The following NOL4 variants were observed in gnomAD, a reference collection of about 807,000 sequenced individuals.
The protein encoded by NOL4 is cancer/testis antigen 125.
A neutral mutation model predicts 75.9 loss-of-function variants in NOL4; 17 were observed. The observed-to-expected ratio is 0.22, with a 90% confidence interval of 0.15 to 0.34. The LOEUF is 0.34. Ranked by LOEUF, NOL4 falls within the 10% of genes least tolerant of loss-of-function variation. NOL4 has a pLI of 1.00. For synonymous variants in NOL4, 292 were observed against 289.9 expected, an observed-to-expected ratio of 1.01 and a Z score of -0.07; for missense variants, 614 against 793.5, an observed-to-expected ratio of 0.77 and a Z score of 2.72.
intron 10 of NOL4, among the ~76,000 whole-genome samples, chr18:33,856,242 A>G (rs1023026639): frequency 6.6e-6 from 1 of 152,108 alleles, no homozygotes; most frequent in Admixed American, 6.6e-5. Flanking sequence ...GAAATAGGAA[A>G]TAAGTGATGT....
intron 9 of NOL4, among the ~76,000 whole-genome samples, chr18:33,891,318 A>G (rs2065081511): frequency 6.6e-6 from 1 of 152,112 alleles, no homozygotes; most frequent in African/African-American, 2.4e-5. Flanking sequence ...GCATATAAAT[A>G]TGCTTTCATG....
chr18:34,153,946 C>T (rs1356866403), intron 1 of NOL4, among the ~76,000 whole-genome samples: 1 of 151,960 alleles, frequency 6.6e-6, no homozygotes, highest in East Asian at 1.9e-4. Context: ...CTATGAATAA[C>T]TGGCCCAAAC....
intron 6 of NOL4, among the ~76,000 whole-genome samples, chr18:34,016,772 A>G (rs1185570264): frequency 6.6e-6 from 1 of 152,052 alleles, no homozygotes; most frequent in African/African-American, 2.4e-5. Flanking sequence ...TGTAACCACA[A>G]GTTTGTCCCC....
At chr18:34,167,909 A>G (rs977246643) in intron 1 of NOL4, among the ~76,000 whole-genome samples, 2 of 152,084 alleles carry the variant, frequency 1.3e-5, no homozygotes, top group African/African-American at 4.8e-5. Flanking sequence ...CATTTTCGAC[A>G]ATATCTTCAC....
chr18:34,123,365 A>G (rs2080234367), intron 2 of NOL4, among the ~76,000 whole-genome samples: 1 of 151,548 alleles, frequency 6.6e-6, no homozygotes, highest in Non-Finnish European at 1.5e-5. Context: ...AATCTGAATA[A>G]TATTCAGTAG....
chr18:34,032,795 G>C (rs1371343590), intron 5 of NOL4, among the ~76,000 whole-genome samples: 2 of 152,092 alleles, frequency 1.3e-5, no homozygotes, highest in African/African-American at 4.8e-5. Flanking sequence ...ACACCACTCT[G>C]GGACCCAAGG....
intron 8 of NOL4, among the ~76,000 whole-genome samples, chr18:33,952,426 G>C (rs1026511338): frequency 6.6e-6 from 1 of 152,068 alleles, no homozygotes; most frequent in African/African-American, 2.4e-5. Context: ...AATATAATTT[G>C]AACATACCAG....
chr18:34,089,042 C>T lies in NOL4; in HGVS notation c.772+4423G>A, dbSNP rs73957428. On this transcript the variant is annotated intron_variant, in intron 5 of 10. Coordinates refer to ENST00000261592, the MANE Select transcript of NOL4 (RefSeq NM_003787.5). ...ATCCAGATATGTATTTCCAACACAACGCACATTTGATAGTCTTCTTTTCCC... is the reference window on the plus strand; with the variant it reads ...ATCCAGATATGTATTTCCAACACAATGCACATTTGATAGTCTTCTTTTCCC... 7.6e-3 allele frequency among the ~76,000 whole-genome samples: 1,158 copies of T among 152,080 alleles called. 15 individuals are homozygous for T. The highest frequency in any genetic ancestry group is 0.026 in the African/African-American group (1,074 of 41,508).
chr18:34,198,839 A>G (rs978140354), intron 1 of NOL4, among the ~76,000 whole-genome samples: 1 of 151,848 alleles, frequency 6.6e-6, no homozygotes, highest in Non-Finnish European at 1.5e-5. Flanking sequence ...TGCTTTATAT[A>G]TGACAAAATT....
intron 10 of NOL4, among the ~76,000 whole-genome samples, chr18:33,857,086 TTA>T (rs1272274929): frequency 1.3e-5 from 2 of 152,084 alleles, no homozygotes; most frequent in Admixed American, 6.6e-5. Flanking sequence ...TTAAAAGTCA[TTA>T]TAGAATTCTA....
intron 6 of NOL4, among the ~76,000 whole-genome samples, chr18:33,968,147 C>T (rs942379414): frequency 6.6e-6 from 1 of 151,630 alleles, no homozygotes; most frequent in Admixed American, 6.6e-5. Flanking sequence ...TCTGACGAGA[C>T]AGTAGAGAAA....
At chr18:34,119,545 C>T (rs898834572) in intron 2 of NOL4, among the ~76,000 whole-genome samples, 5 of 152,204 alleles carry the variant, frequency 3.3e-5, no homozygotes, top group African/African-American at 1.2e-4. Flanking sequence ...AGTCTTCCCA[C>T]CCGTTCATCT....
chr18:34,093,575 T>C lies in NOL4; in HGVS notation c.662A>G (p.Asp221Gly). The change falls in exon 5 of 11, where the codon GAT becomes GGT. Residue 221 changes from aspartate (D) to glycine (G), a missense_variant. Physicochemically the swap from Asp to Gly is moderately conservative, Grantham distance 94. Coordinates refer to ENST00000261592, the MANE Select transcript of NOL4 (RefSeq NM_003787.5). ...QDEDESSIES[D>G]EFDMSDSTRM... ...TGTTGAATCACTCATGTCAAATTCA[T>C]CACTTTCTATTGAACTTTCATCCTG... The C allele has an allele frequency of 1.3e-6, 2 of 1,593,820 alleles. No individual in the cohort carries two copies. The highest frequency in any genetic ancestry group is 2.3e-5 in the South Asian group (2 of 88,458).
At chr18:34,222,160 A>G in intron 1 of NOL4, 1 of 1,511,632 alleles carries the variant, frequency 6.6e-7, no homozygotes, top group Non-Finnish European at 8.8e-7. Flanking sequence ...GCTGAGATGC[A>G]TTGGGCTCTC....
At chr18:34,111,842 T>C (rs958857099) in intron 2 of NOL4, among the ~76,000 whole-genome samples, 1 of 152,112 alleles carries the variant, frequency 6.6e-6, no homozygotes, top group East Asian at 1.9e-4. Flanking sequence ...ACAAAAAGTA[T>C]TGGCAATGAT....
In NOL4 at chr18:34,173,657, AAAGT is replaced by A. The variant is rs781502413; in HGVS notation, c.265-43641_265-43638del. Among the ~76,000 whole-genome samples, 12 of 152,322 alleles carry A rather than the reference AAAGT, an allele frequency of 7.9e-5. No homozygotes were observed. The East Asian group carries it at 1.9e-3, about 24-fold the overall frequency. On this transcript the variant is annotated intron_variant, in intron 1 of 10. Transcript: ENST00000261592. ...AAATAAATGCTGAAAGAATATTTTT[AAAGT>A]ATCTGTTTAAGTGGTGCCAAGTTAC... is the stretch of plus-strand genomic sequence containing the variant.
chr18:33,886,661 A>G (rs945619500), intron 9 of NOL4, among the ~76,000 whole-genome samples: 1 of 150,076 alleles, frequency 6.7e-6, no homozygotes, highest in Non-Finnish European at 1.5e-5. Context: ...ATTGTTTGTG[A>G]CTCAAAGGAT....
chr18:34,172,703 C>T (rs1351308040), intron 1 of NOL4, among the ~76,000 whole-genome samples: 2 of 152,038 alleles, frequency 1.3e-5, no homozygotes, highest in East Asian at 3.9e-4. Flanking sequence ...ATTTTGATAG[C>T]CATCTTAACA....
intron 5 of NOL4, among the ~76,000 whole-genome samples, chr18:34,038,382 C>T (rs1024898950): frequency 1.3e-5 from 2 of 152,058 alleles, no homozygotes; most frequent in South Asian, 4.1e-4. Flanking sequence ...AGCAATCCTA[C>T]TACTGGATAT....
Sources: allele counts gnomAD v4.1 joint callset (sites outside exome capture counted in the v4.1 genomes callset), GRCh38; gene constraint gnomAD v4.1.1; transcripts MANE v1.5; gene names NCBI Gene and HGNC (gene_info 2026-07-23, HGNC 2026-07-21).